GAGE10: variants seen among roughly 807,000 people sequenced by gnomAD.
GAGE10 encodes the protein G antigen 10.
Under a neutral mutation model 11.5 loss-of-function variants are expected in GAGE10, and 9 were observed. That is an observed-to-expected ratio of 0.78 (90% CI 0.47 to 1.37). GAGE10 has a LOEUF of 1.37. Among genes scored for constraint, GAGE10 ranks in the 40% most tolerant of loss-of-function variants. GAGE10 has a pLI of 0.00. For synonymous variants in GAGE10, 23 were observed against 29.7 expected (o/e 0.77, Z 0.73); for missense variants, 83 against 92.9 (o/e 0.89, Z 0.44).
intron 3 of GAGE10, among the ~76,000 whole-genome samples, chrX:49,313,500 G>A (rs1236386965): frequency 8.9e-6 from 1 of 111,743 alleles, no homozygotes; most frequent in African/African-American, 3.3e-5. Context: ...GGAGACAGAT[G>A]CAGGCTTTAG....
At chrX:49,316,786 T>C (rs1193119804) in intron 3 of GAGE10, among the ~76,000 whole-genome samples, 4 of 111,750 alleles carry the variant, frequency 3.6e-5, no homozygotes, top group Non-Finnish European at 7.5e-5. Flanking sequence ...TTTTTTAAAC[T>C]CAGCATTTAT....
rs191579278 is a variant in GAGE10 at position 49,317,447 on chromosome X, A to C, written c.328+159A>C. Among the ~76,000 whole-genome samples, 57 of 111,865 alleles carry C rather than the reference A, an allele frequency of 5.1e-4. No homozygotes were observed. The East Asian group carries it at 0.014, about 27-fold the overall frequency. On this transcript the variant is annotated intron_variant, in intron 4 of 4. Coordinates refer to ENST00000407599, the MANE Select transcript of GAGE10 (RefSeq NM_001098413.4). ...ATTGGAAATTCCGCCTTCTGGGTTC[A>C]AGTGATTCTCCTGTATGAGCCTCTC... is the stretch of plus-strand genomic sequence containing the variant.
chrX:49,312,947 G>A (rs1208977241), intron 3 of GAGE10, among the ~76,000 whole-genome samples: 2 of 112,431 alleles, frequency 1.8e-5, no homozygotes, highest in Admixed American at 1.9e-4. Flanking sequence ...CGACTTCCCG[G>A]AATTCAGGAA....
chrX:49,314,421 C>T (rs1557124999), intron 3 of GAGE10, among the ~76,000 whole-genome samples: 1 of 112,578 alleles, frequency 8.9e-6, no homozygotes, highest in Non-Finnish European at 1.9e-5. Context: ...ACTAACACAG[C>T]TCTAACACTT....
chrX:49,304,859 T>C lies in GAGE10; in HGVS notation c.-1T>C, dbSNP rs2066349660. On this transcript the variant is annotated 5_prime_UTR_variant, in exon 2 of 5. Transcript: ENST00000407599. Reference sequence around the variant, plus strand: ...ACGGTTGTCTGTTTTCAGTGTGAAATATGAGTTGGCGAGGAAGATCGACCT... The same window carrying C: ...ACGGTTGTCTGTTTTCAGTGTGAAACATGAGTTGGCGAGGAAGATCGACCT... The C allele has an allele frequency of 8.3e-7, 1 of 1,204,657 alleles. No individual in the cohort carries two copies. Among genetic ancestry groups the C allele is most frequent in the Non-Finnish European group, 1.1e-6 (1 of 890,808 alleles).
intron 3 of GAGE10, among the ~76,000 whole-genome samples, chrX:49,306,141 A>G (rs1602725678): frequency 1.8e-5 from 2 of 112,402 alleles, no homozygotes; most frequent in Non-Finnish European, 3.8e-5. Flanking sequence ...TTATGGTTAG[A>G]AAAAGCAAAA....
intron 3 of GAGE10, among the ~76,000 whole-genome samples, chrX:49,313,545 G>C (rs1270401073): frequency 3.6e-5 from 4 of 111,845 alleles, no homozygotes; most frequent in Non-Finnish European, 7.5e-5. Flanking sequence ...GCTGGGTAAG[G>C]GAAAGGATAC....
chrX:49,308,904 T>C (rs782427685), intron 3 of GAGE10, among the ~76,000 whole-genome samples: 2 of 111,393 alleles, frequency 1.8e-5, no homozygotes, highest in Non-Finnish European at 3.8e-5. Context: ...TTTTGTCCGA[T>C]GAGGAGTCCT....
At chrX:49,307,692 C>T (rs1216451471) in intron 3 of GAGE10, among the ~76,000 whole-genome samples, 4 of 111,667 alleles carry the variant, frequency 3.6e-5, no homozygotes, top group Non-Finnish European at 5.7e-5. Flanking sequence ...AGATAGGGTT[C>T]GCCCTGTTGT....
intron 3 of GAGE10, among the ~76,000 whole-genome samples, chrX:49,307,472 T>TC (rs1557124281): frequency 2.7e-4 from 22 of 82,104 alleles, no homozygotes; most frequent in Non-Finnish European, 5.7e-4. Flanking sequence ...AATTTCTTTT[T>TC]TCCTTTTTTT....
At chrX:49,313,158 A>G (rs1271869059) in intron 3 of GAGE10, among the ~76,000 whole-genome samples, 2 of 112,519 alleles carry the variant, frequency 1.8e-5, no homozygotes, top group South Asian at 7.3e-4. Flanking sequence ...CTTTAACCCT[A>G]GGATCAGACA....
intron 3 of GAGE10, among the ~76,000 whole-genome samples, chrX:49,316,854 G>T (rs1490225219): frequency 9.0e-6 from 1 of 111,060 alleles, no homozygotes; most frequent in Non-Finnish European, 1.9e-5. Context: ...TGCTGTGAGA[G>T]ACAGGATTTC....
chrX:49,312,011 T>A (rs2052818105), intron 3 of GAGE10, among the ~76,000 whole-genome samples: 1 of 112,434 alleles, frequency 8.9e-6, no homozygotes, highest in Non-Finnish European at 1.9e-5. Flanking sequence ...AATCCCCAGA[T>A]AACACTGGAA....
intron 4 of GAGE10, among the ~76,000 whole-genome samples, chrX:49,317,671 C>A (rs1218775427): frequency 9.0e-6 from 1 of 111,594 alleles, no homozygotes; most frequent in Non-Finnish European, 1.9e-5. Flanking sequence ...TTTAATAACA[C>A]AGGTAACAAT....
At chrX:49,317,712 G>A (rs4824466) in intron 4 of GAGE10, among the ~76,000 whole-genome samples, 6 of 111,623 alleles carry the variant, frequency 5.4e-5, no homozygotes, top group South Asian at 3.8e-4. Flanking sequence ...GTTCTTATAT[G>A]AAGGTTATTT....
chrX:49,317,643 C>T (rs1194523247), intron 4 of GAGE10, among the ~76,000 whole-genome samples: 8 of 77,621 alleles, frequency 1.0e-4, no homozygotes, highest in Admixed American at 2.7e-4. Flanking sequence ...CCACCATACG[C>T]GACCAAGGCA....
intron 3 of GAGE10, among the ~76,000 whole-genome samples, chrX:49,311,232 A>G (rs2066375597): frequency 8.9e-6 from 1 of 112,138 alleles, no homozygotes; most frequent in South Asian, 3.7e-4. Context: ...GAGGCAATTG[A>G]TGGCATAACA....
Position 49,317,304 on chromosome X carries a change from G to C in GAGE10, c.328+16G>C. On this transcript the variant is annotated intron_variant, in intron 4 of 4. Transcript: ENST00000407599. ...CCTGAAGAAGGTAGGGAATCCATTAGGCATGCACATTGTAGGGTGTCTGTT... is the reference window on the plus strand; with the variant it reads ...CCTGAAGAAGGTAGGGAATCCATTACGCATGCACATTGTAGGGTGTCTGTT... 1 of 1,195,620 alleles carries C rather than the reference G, an allele frequency of 8.4e-7. No homozygotes were observed. The highest frequency in any genetic ancestry group is 1.1e-6 in the Non-Finnish European group (1 of 885,283).
At chrX:49,304,547 T>C (rs2066348332) in intron 1 of GAGE10, among the ~76,000 whole-genome samples, 1 of 111,711 alleles carries the variant, frequency 9.0e-6, no homozygotes, top group African/African-American at 3.3e-5. Context: ...GATGCTGCAG[T>C]GAGCTGTGAT....
Sources: gnomAD v4.1 joint callset for allele counts (sites outside exome capture counted in the v4.1 genomes callset) on GRCh38, gnomAD v4.1.1 for gene constraint, MANE v1.5 for transcripts, NCBI Gene and HGNC (gene_info 2026-07-23, HGNC 2026-07-21) for gene names.